Variants in SH3TC2 observed in about 807,000 individuals in gnomAD.
SH3TC2 encodes SH3 domain and tetratricopeptide repeat-containing protein 2.
A neutral mutation model predicts 124.5 loss-of-function variants in SH3TC2; 87 were observed. That is an observed-to-expected ratio of 0.70 (90% CI 0.59 to 0.84). The LOEUF (loss-of-function observed/expected upper bound fraction) is 0.84, where lower values mean the gene tolerates loss of function less well. SH3TC2 is among the 40% of genes least tolerant of loss of function. The pLI, the probability that SH3TC2 is intolerant of heterozygous loss-of-function variation, is 0.00. For synonymous variants in SH3TC2, 634 were observed against 628.5 expected (o/e 1.01, Z -0.13); for missense variants, 1,536 against 1,566.4 (o/e 0.98, Z 0.33).
intron 12 of SH3TC2, among the ~76,000 whole-genome samples, chr5:149,024,840 C>T (rs1027032876): frequency 3.9e-5 from 6 of 152,190 alleles, no homozygotes; most frequent in Admixed American, 2.6e-4. Flanking sequence ...ATGCTGACAG[C>T]ATCCAGGGCC....
chr5:149,004,308 C>T lies in SH3TC2; in HGVS notation c.*403G>A, dbSNP rs998029835. Reference sequence around the variant, plus strand: ...GGAAGGGGTCTTTCCCTGAGAAAATCGGTGAAGAGCACAAATTCCAATCTG... The same window carrying T: ...GGAAGGGGTCTTTCCCTGAGAAAATTGGTGAAGAGCACAAATTCCAATCTG... On this transcript the variant is annotated 3_prime_UTR_variant, in exon 17 of 17. Transcript: ENST00000515425. 6 of 196,108 alleles carry T rather than the reference C, an allele frequency of 3.1e-5. No homozygotes were observed. The highest frequency in any genetic ancestry group is 6.3e-5 in the Non-Finnish European group (6 of 94,496). The allele number at this position is 196,108 out of a possible 1,614,324, so 12.1% of individuals were successfully genotyped here.
At chr5:149,045,335 A>G (rs1172866601) in intron 3 of SH3TC2, 2 of 152,254 alleles carry the variant, frequency 1.3e-5, no homozygotes, top group Admixed American at 6.5e-5. Flanking sequence ...TAATGGTTAC[A>G]TGTGCCATTG....
chr5:149,014,965 A>G (rs1753847040), intron 12 of SH3TC2, among the ~76,000 whole-genome samples: 1 of 152,166 alleles, frequency 6.6e-6, no homozygotes, highest in South Asian at 2.1e-4. Flanking sequence ...CTGTCCTGGG[A>G]TGCCCTTGGG....
At position 148,983,234 on chromosome 5, in the gene SH3TC2, G is replaced by C. The variant is rs898148683; in HGVS notation, c.*21477C>G. Reference sequence around the variant, plus strand: ...GTTACTTTGCTTCATTCGTTTGTTTGTTTTTCAAATTGCCACTTACCATTT... The same window carrying C: ...GTTACTTTGCTTCATTCGTTTGTTTCTTTTTCAAATTGCCACTTACCATTT... On this transcript the variant is annotated 3_prime_UTR_variant, in exon 17 of 17. Coordinates refer to ENST00000515425, the MANE Select transcript of SH3TC2 (RefSeq NM_024577.4). 6.6e-6 allele frequency among the ~76,000 whole-genome samples: 1 copy of C among 151,196 alleles called. No homozygotes were observed. Among genetic ancestry groups the C allele is most frequent in the Non-Finnish European group, 1.5e-5 (1 of 67,872 alleles).
chr5:149,002,515 A>G lies in SH3TC2; in HGVS notation c.*2196T>C, dbSNP rs1297703880. 4.6e-5 allele frequency: 7 copies of G among 152,280 alleles called. No individual in the cohort carries two copies. Among genetic ancestry groups the G allele is most frequent in the Non-Finnish European group, 5.9e-5 (4 of 68,042 alleles). 9.4% of individuals were successfully genotyped at this position (152,280 alleles called of 1,614,324 possible). A position where few individuals can be genotyped will look rare whatever the true frequency, so the allele number is the denominator to read the frequency against. ...CTTTTGACAACCAACCACATCTCTA[A>G]GAGAAAATGTGTGCCAATTAGTAGA... On this transcript the variant is annotated 3_prime_UTR_variant, in exon 17 of 17. Transcript: ENST00000515425.
intron 12 of SH3TC2, chr5:149,026,363 A>C (rs1754062468): frequency 3.3e-6 from 2 of 612,764 alleles, no homozygotes; most frequent in South Asian, 3.9e-5. Flanking sequence ...GCTGATGAGG[A>C]AACTGAGACA....
At chr5:149,016,716 G>A (rs1753879132) in intron 12 of SH3TC2, among the ~76,000 whole-genome samples, 1 of 152,070 alleles carries the variant, frequency 6.6e-6, no homozygotes, top group South Asian at 2.1e-4. Context: ...ACGAGGTCAG[G>A]AGATCGAGAC....
Position 148,987,674 on chromosome 5 carries a change from C to T in SH3TC2, c.*17037G>A, listed in dbSNP as rs560441520. 2.0e-4 allele frequency among the ~76,000 whole-genome samples: 30 copies of T among 152,138 alleles called. No homozygotes were observed. Among genetic ancestry groups the T allele is most frequent in the Admixed American group, 5.2e-4 (8 of 15,284 alleles). ...ACAGAAACAAAGGGAAACCTTATAA[C>T]GAGTGTGGTGGAGTGATTCAGTGAA... On this transcript the variant is annotated 3_prime_UTR_variant, in exon 17 of 17. Coordinates refer to ENST00000515425, the MANE Select transcript of SH3TC2 (RefSeq NM_024577.4).
chr5:149,054,665 T>C (rs769746049), intron 1 of SH3TC2, among the ~76,000 whole-genome samples: 9 of 152,202 alleles, frequency 5.9e-5, no homozygotes, highest in Admixed American at 2.6e-4. Flanking sequence ...TTTTGAAACA[T>C]GGAAGATCTG....
At chr5:149,007,288 C>A in intron 15 of SH3TC2, 1 of 648,434 alleles carries the variant, frequency 1.5e-6, no homozygotes. Context: ...ACAAATGTAA[C>A]ATTACACATG....
Position 148,983,823 on chromosome 5 carries a change from G to A in SH3TC2, c.*20888C>T, listed in dbSNP as rs1053031786. 1.3e-5 allele frequency among the ~76,000 whole-genome samples: 2 copies of A among 152,126 alleles called. No individual in the cohort carries two copies. Among genetic ancestry groups the A allele is most frequent in the African/African-American group, 4.8e-5 (2 of 41,420 alleles). ...TGTTCCAGTCAAACACAGGGGAGAG[G>A]GAAGATAAGATGTAAACTTCTGGTC... On this transcript the variant is annotated 3_prime_UTR_variant, in exon 17 of 17. Coordinates refer to ENST00000515425, the MANE Select transcript of SH3TC2 (RefSeq NM_024577.4).
In SH3TC2 at chr5:149,026,933, T is replaced by C. The variant is rs778265640; in HGVS notation, c.2799A>G (p.Gly933=). ...FLWLAQVLVS[G]HQLTHGLLCY... Reference sequence around the variant, plus strand: ...AAAGAAGGCCATGGGTCAGCTGGTGTCCAGACACCAGAACTTGGGCCAACC... The same window carrying C: ...AAAGAAGGCCATGGGTCAGCTGGTGCCCAGACACCAGAACTTGGGCCAACC... The change falls in exon 11 of 17, where the codon GGA becomes GGG. Residue 933 remains glycine (G), a synonymous_variant. Transcript: ENST00000515425. 1.2e-6 allele frequency: 2 copies of C among 1,614,206 alleles called. No individual in the cohort carries two copies. Among genetic ancestry groups the C allele is most frequent in the Non-Finnish European group, 1.7e-6 (2 of 1,180,042 alleles).
At chr5:149,056,378 C>T (rs1754648310) in intron 1 of SH3TC2, among the ~76,000 whole-genome samples, 1 of 152,258 alleles carries the variant, frequency 6.6e-6, no homozygotes, top group South Asian at 2.1e-4. Context: ...GTTTTCTGTT[C>T]CTGCATTAGT....
intron 12 of SH3TC2, among the ~76,000 whole-genome samples, chr5:149,023,580 A>T (rs1754012562): frequency 1.1e-5 from 1 of 90,842 alleles, no homozygotes; most frequent in Non-Finnish European, 2.0e-5. Flanking sequence ...TAATAGTGTA[A>T]TCCTTTTTTT....
rs755006924 is a variant in SH3TC2, at chr5:149,010,294, C to T, written c.3303G>A (p.Arg1101=). 7 of 1,614,188 alleles carry T rather than the reference C, an allele frequency of 4.3e-6. No homozygotes were observed. Among genetic ancestry groups the T allele is most frequent in the Non-Finnish European group, 5.9e-6 (7 of 1,180,016 alleles). ...GDVFFNGTRH[R]HHAVEYYRAG... ...CTCGGTAGTACTCCACTGCATGATG[C>T]CTGTGGCGGGTCCCATTGAAGAACA... Residue 1101 remains arginine, a synonymous_variant, in exon 14 of 17, where the codon AGG becomes AGA. Transcript: ENST00000515425.
intron 3 of SH3TC2, chr5:149,045,276 A>G (rs984390395): frequency 6.6e-6 from 1 of 152,342 alleles, no homozygotes; most frequent in African/African-American, 2.4e-5. Context: ...GCTGCTAAGC[A>G]ATATTTTGCA....
rs1036191 is a variant in SH3TC2 at position 149,009,316 on chromosome 5, C to T, written c.3328-315G>A. On this transcript the variant is annotated intron_variant, in intron 14 of 16. Coordinates refer to ENST00000515425, the MANE Select transcript of SH3TC2 (RefSeq NM_024577.4). ...AAGTCGTTCCCTTCTCAGCTGTGTG[C>T]TCCCCTAGCATCCATGGTGCTATCT... Among the ~76,000 whole-genome samples the T allele has an allele frequency of 0.4, 60,596 of 152,002 alleles. 12,316 individuals are homozygous for T. The highest frequency in any genetic ancestry group is 0.46 in the South Asian group (2,234 of 4,814).
chr5:148,982,474 G>A lies in SH3TC2; in HGVS notation c.*22237C>T, dbSNP rs750790716. Among the ~76,000 whole-genome samples the A allele has an allele frequency of 1.3e-5, 2 of 152,164 alleles. No homozygotes were observed. Among genetic ancestry groups the A allele is most frequent in the Non-Finnish European group, 2.9e-5 (2 of 68,030 alleles). ...TTGCAGCATTGTTTACAGTAGCACAGTATCAAAAATAACCAAATTGACACC... is the reference window on the plus strand; with the variant it reads ...TTGCAGCATTGTTTACAGTAGCACAATATCAAAAATAACCAAATTGACACC... On this transcript the variant is annotated 3_prime_UTR_variant, in exon 17 of 17. Coordinates refer to ENST00000515425, the MANE Select transcript of SH3TC2 (RefSeq NM_024577.4).
chr5:149,062,185 T>C, intron 1 of SH3TC2: 1 of 394,176 alleles, frequency 2.5e-6, no homozygotes, highest in Non-Finnish European at 5.0e-6. Flanking sequence ...TGTTCCCCTA[T>C]CTCCCAAGCA....
Sources: gnomAD v4.1 joint callset for allele counts (sites outside exome capture counted in the v4.1 genomes callset) on GRCh38, gnomAD v4.1.1 for gene constraint, MANE v1.5 for transcripts, NCBI Gene and HGNC (gene_info 2026-07-23, HGNC 2026-07-21) for gene names.